The following SZT2 variants were observed in gnomAD, a reference collection of about 807,000 sequenced individuals.
SZT2 encodes the protein KICSTOR complex protein SZT2.
SZT2 carries 216 observed loss-of-function variants against 404.2 expected under a neutral mutation model. That is an observed-to-expected ratio of 0.53 (90% CI 0.48 to 0.60). The LOEUF is 0.60. Ranked by LOEUF, SZT2 falls within the 20% of genes least tolerant of loss-of-function variation. SZT2 has a pLI of 0.00. For missense variants in SZT2, 3,857 were observed against 4,459.2 expected (o/e 0.86, Z 3.85); for synonymous variants, 1,693 against 1,749.9 (o/e 0.97, Z 0.81).
chr1:43,417,924 T>A (rs1651895226), intron 7 of SZT2, among the ~76,000 whole-genome samples: 1 of 152,148 alleles, frequency 6.6e-6, no homozygotes, highest in Non-Finnish European at 1.5e-5. Context: ...CAGAAGATTG[T>A]GATGTCAGAG....
chr1:43,450,473 T>G lies in SZT2; in HGVS notation c.10292T>G (p.Leu3431Arg), dbSNP rs766176534. 4.3e-6 allele frequency: 7 copies of G among 1,613,908 alleles called. No homozygotes were observed. The highest frequency in any genetic ancestry group is 1.1e-5 in the South Asian group (1 of 91,074). ...NTACFTLWTR[L>R]L is the part of the protein sequence containing the mutation. ...GCCTGTTTCACCCTCTGGACCCGCC[T>G]CCTCTGAGGGAGTGGACTGGACCAC... Residue 3431 changes from leucine to arginine, a missense_variant, in exon 72 of 72, where the codon CTC (leucine) becomes CGC (arginine). This residue lies in a region of SZT2 where 717 missense variants were observed against 868.2 expected (regional missense o/e 0.83). Transcript: ENST00000634258. This position sits in a 1 kb window ranked among gnomAD's most constrained non-coding sequence, Gnocchi z 4.3.
In SZT2 at chr1:43,433,151, G is replaced by A. The variant is rs200778925; in HGVS notation, c.5765G>A (p.Arg1922Gln). 1.5e-5 allele frequency: 24 copies of A among 1,613,994 alleles called. No individual in the cohort carries two copies. Among genetic ancestry groups the A allele is most frequent in the East Asian group, 1.1e-4 (5 of 44,884 alleles). ...CTGCCTGACTTCTGGCTCATTGTCCGGGTCCTGCAGGACCGTGTGGAAGTG... is the reference window on the plus strand; with the variant it reads ...CTGCCTGACTTCTGGCTCATTGTCCAGGTCCTGCAGGACCGTGTGGAAGTG... ...PCLPDFWLIV[R>Q]VLQDRVEVYA... Residue 1922 changes from arginine (R) to glutamine (Q), a missense_variant, in exon 40 of 72, where the codon CGG becomes CAG. Arg to Gln is a conservative substitution (Grantham distance 43). Coordinates refer to ENST00000634258, the MANE Select transcript of SZT2 (RefSeq NM_001365999.1).
In SZT2 at chr1:43,451,777, G is replaced by A. The variant is rs369575209; in HGVS notation, c.*1297G>A. ...AGGCCCCGCCCTCCTTCCGATCTGC[G>A]AAGTACCCCCTTCCACTTACCATTT... On this transcript the variant is annotated 3_prime_UTR_variant, in exon 72 of 72. Transcript: ENST00000634258. 15 of 1,613,910 alleles carry A rather than the reference G, an allele frequency of 9.3e-6. No homozygotes were observed. Among genetic ancestry groups the A allele is most frequent in the South Asian group, 4.4e-5 (4 of 91,078 alleles).
Position 43,415,108 on chromosome 1 carries a change from C to T in SZT2, c.525C>T (p.Asp175=). Reference sequence around the variant, plus strand: ...TGCTGGTACAGGGCTGCCTCTTGGACCCTTCCCAGCGGGAGGTGTTCCTGC... The same window carrying T: ...TGCTGGTACAGGGCTGCCTCTTGGATCCTTCCCAGCGGGAGGTGTTCCTGC... ...HQVLVQGCLL[D]PSQREVFLQQ... The change falls in exon 5 of 72, where the codon GAC becomes GAT. Residue 175 remains aspartate (D), a synonymous_variant. Transcript: ENST00000634258. 6.3e-7 allele frequency: 1 copy of T among 1,598,068 alleles called. No individual in the cohort carries two copies.
intron 1 of SZT2, chr1:43,393,966 A>G (rs1648699645): frequency 4.7e-6 from 2 of 424,940 alleles, no homozygotes; most frequent in Non-Finnish European, 6.3e-6. Flanking sequence ...AAGGTCACCT[A>G]TATAGCAAAT....
At position 43,429,816 on chromosome 1, in the gene SZT2, C is replaced by G; in HGVS notation, c.4280C>G (p.Ala1427Gly). ...GATGTCTGCCAGCTCAGAGGAGAGG[C>G]CCATGGTGCCCTTCATAGCGTCATC... ...LTDVCQLRGE[A>G]HGALHSVIQE... The change falls in exon 29 of 72, where the codon GCC (alanine) becomes GGC (glycine). Residue 1427 changes from alanine (A) to glycine (G), a missense_variant. This residue lies in a region of SZT2 where 1,725 missense variants were observed against 1,881.0 expected (regional missense o/e 0.92). Coordinates refer to ENST00000634258, the MANE Select transcript of SZT2 (RefSeq NM_001365999.1). The G allele has an allele frequency of 6.2e-7, 1 of 1,614,186 alleles. No homozygotes were observed. Among genetic ancestry groups the G allele is most frequent in the Non-Finnish European group, 8.5e-7 (1 of 1,180,030 alleles).
At chr1:43,429,928 G>T (rs1232792742) in intron 29 of SZT2, 83 bp from the exon 30 acceptor site, 1 of 1,611,930 alleles carries the variant, frequency 6.2e-7, no homozygotes, top group Non-Finnish European at 8.5e-7. Context: ...CGGGGGGTAT[G>T]CATGTGTCCT....
Position 43,420,386 on chromosome 1 carries a change from C to A in SZT2, c.1261+63C>A. ...TCTCAAGAATTTGTGTGTGGGAAGA[C>A]CCACATGTATCACACATGAAAGAGT... On this transcript the variant is annotated intron_variant, in intron 9 of 71. Transcript: ENST00000634258. This position sits in a 1 kb window ranked among gnomAD's most constrained non-coding sequence, Gnocchi z 5.1. 1 of 1,475,544 alleles carries A rather than the reference C, an allele frequency of 6.8e-7. No individual in the cohort carries two copies. Among genetic ancestry groups the A allele is most frequent in the Non-Finnish European group, 9.0e-7 (1 of 1,112,906 alleles). The allele number at this position is 1,475,544 out of a possible 1,614,324, so 91.4% of individuals were successfully genotyped here.
Position 43,422,626 on chromosome 1 carries a change from T to C in SZT2, c.1916T>C (p.Leu639Pro). ...GAGGGCTATTCTTATGTTAAGCTGC[T>C]CTCCAGGTGGGCAAAGTGATGTCCC... Reference protein sequence around the residue: ...LVEGYSYVKLLSSAPDQPPNS... With the variant: ...LVEGYSYVKLPSSAPDQPPNS... The change falls in exon 13 of 72, where the codon CTC (leucine) becomes CCC (proline). Residue 639 changes from leucine to proline, a missense_variant. By Grantham distance (98) the Leu-to-Pro change is moderately conservative. This residue lies in a region of SZT2 where 1,725 missense variants were observed against 1,881.0 expected (regional missense o/e 0.92). Transcript: ENST00000634258. 1 of 1,591,088 alleles carries C rather than the reference T, an allele frequency of 6.3e-7. No homozygotes were observed. Among genetic ancestry groups the C allele is most frequent in the Non-Finnish European group, 8.5e-7 (1 of 1,176,464 alleles).
rs779849537 is a variant in SZT2 at position 43,420,182 on chromosome 1, C to T, written c.1120C>T (p.Leu374=). The change falls in exon 9 of 72, where the codon CTG becomes TTG. Residue 374 remains leucine, a synonymous_variant. Coordinates refer to ENST00000634258, the MANE Select transcript of SZT2 (RefSeq NM_001365999.1). This position sits in a 1 kb window ranked among gnomAD's most constrained non-coding sequence, Gnocchi z 5.1. The part of the protein sequence containing the change: ...GSQHRLFNEH[L]VSASSNPALA... ...TCAGCACCGCCTATTTAATGAGCAC[C>T]TGGTCTCTGCAAGCAGCAACCCTGC... 6.3e-7 allele frequency: 1 copy of T among 1,598,476 alleles called. No individual in the cohort carries two copies. Among genetic ancestry groups the T allele is most frequent in the Non-Finnish European group, 8.5e-7 (1 of 1,179,814 alleles).
Position 43,403,274 on chromosome 1 carries a change from CTG to C in SZT2, c.128_129del (p.Val43AlafsTer12). 1.2e-6 allele frequency: 2 copies of C among 1,613,884 alleles called. No homozygotes were observed. Among genetic ancestry groups the C allele is most frequent in the Non-Finnish European group, 1.7e-6 (2 of 1,180,040 alleles). ...TGGTTCCTCAGTCATCTGCACCAAA[CTG>C]TGCAGGCCACACCCCAGGAGATGCT... is the stretch of plus-strand genomic sequence containing the variant. On this transcript the variant is annotated frameshift_variant, in exon 2 of 72. Coordinates refer to ENST00000634258, the MANE Select transcript of SZT2 (RefSeq NM_001365999.1). LOFTEE classifies it high-confidence loss of function.
At position 43,424,713 on chromosome 1, in the gene SZT2, G is replaced by A. The variant is rs1370307890; in HGVS notation, c.2472-71G>A. On this transcript the variant is annotated intron_variant, in intron 16 of 71. Transcript: ENST00000634258. The surrounding 1 kb of genome is among the most constrained non-coding windows in gnomAD (Gnocchi z 4.1). ...GACTGCTGGGAGGTGGGTGTATGTG[G>A]GGAGAGCTTGTAGTCTCAGTGTCTC... The A allele has an allele frequency of 7.4e-7, 1 of 1,353,104 alleles. No homozygotes were observed. Among genetic ancestry groups the A allele is most frequent in the Non-Finnish European group, 1.1e-6 (1 of 950,606 alleles). 83.8% of individuals were successfully genotyped at this position (1,353,104 alleles called of 1,614,324 possible).
rs1651676468 is a variant in SZT2, at chr1:43,415,993, C to T, written c.664C>T (p.Leu222=). 2 of 1,598,116 alleles carry T rather than the reference C, an allele frequency of 1.3e-6. No individual in the cohort carries two copies. The highest frequency in any genetic ancestry group is 1.7e-6 in the Non-Finnish European group (2 of 1,179,680). The part of the protein sequence containing the change: ...EDQSPDSGDL[L]GRKVGVSMVT... ...CCAGTCCCCAGACTCAGGGGACCTA[C>T]TGGGCCGGAAGGTAGGCGTCTCCAT... The change falls in exon 6 of 72, where the codon CTG becomes TTG. Residue 222 remains leucine, a synonymous_variant. Coordinates refer to ENST00000634258, the MANE Select transcript of SZT2 (RefSeq NM_001365999.1).
rs1410653915 is a variant in SZT2 at position 43,446,404 on chromosome 1, T to C, written c.9060T>C (p.Ala3020=). 4 of 1,614,284 alleles carry C rather than the reference T, an allele frequency of 2.5e-6. No individual in the cohort carries two copies. Among genetic ancestry groups the C allele is most frequent in the South Asian group, 2.2e-5 (2 of 91,090 alleles). Residue 3020 remains alanine, a synonymous_variant, in exon 65 of 72, where the codon GCT becomes GCC. Transcript: ENST00000634258. ...GTTCCCGAATCCCAATGGGGCAGGC[T>C]GTCAACTCACAGGTATGTGAATGAG... The part of the protein sequence containing the change: ...LECSRIPMGQ[A]VNSQLSMLFT...
intron 1 of SZT2, among the ~76,000 whole-genome samples, chr1:43,394,374 T>C (rs183149254): frequency 2.0e-5 from 3 of 152,170 alleles, no homozygotes; most frequent in Non-Finnish European, 4.4e-5. Context: ...GCACCCAGTC[T>C]GGAGCCCATC....
At chr1:43,403,388 A>C in intron 2 of SZT2, 86 bp downstream of exon 2, 1 of 1,531,726 alleles carries the variant, frequency 6.5e-7, no homozygotes, top group South Asian at 1.2e-5. Context: ...ACAGGGTGGG[A>C]GACTAACTCT....
chr1:43,418,674 C>T (rs1251064983), intron 7 of SZT2, among the ~76,000 whole-genome samples: 2 of 152,040 alleles, frequency 1.3e-5, no homozygotes, highest in East Asian at 3.9e-4. Flanking sequence ...GTTGGGGTTT[C>T]GAAGAAGCAG....
At chr1:43,390,587 A>G in intron 1 of SZT2, among the ~76,000 whole-genome samples, 1 of 152,274 alleles carries the variant, frequency 6.6e-6, no homozygotes, top group East Asian at 1.9e-4. Context: ...ATCACATGTA[A>G]TAAACCAGAA....
intron 13 of SZT2, 23 bp downstream of exon 13, chr1:43,422,655 A>ACCCT: frequency 9.1e-7 from 1 of 1,095,026 alleles, no homozygotes. Flanking sequence ...ATGTCCCTTC[A>ACCCT]CCCCCCGCCC....
Sources: gnomAD v4.1 joint callset for allele counts (sites outside exome capture counted in the v4.1 genomes callset) on GRCh38, gnomAD v4.1.1 for gene constraint, gnomAD v4.1.1 regional missense constraint, Gnocchi (gnomAD v3.1) non-coding constraint, MANE v1.5 for transcripts, NCBI Gene and HGNC (gene_info 2026-07-23, HGNC 2026-07-21) for gene names.